The following IQCJ variants were observed in gnomAD, a reference collection of about 807,000 sequenced individuals.
IQCJ encodes IQ domain-containing protein J.
Under a neutral mutation model 11.0 loss-of-function variants are expected in IQCJ, and 9 were observed. That is an observed-to-expected ratio of 0.82 (90% CI 0.49 to 1.43). The LOEUF (loss-of-function observed/expected upper bound fraction) is 1.43. Among genes scored for constraint, IQCJ ranks in the 40% most tolerant of loss-of-function variants. The probability of loss-of-function intolerance (pLI) is 0.00; values close to 1 mark genes in which losing one functional copy is unlikely to be tolerated. For missense variants in IQCJ, 146 were observed against 133.2 expected, an observed-to-expected ratio of 1.10 and a Z score of -0.47; for synonymous variants, 55 against 51.3, an observed-to-expected ratio of 1.07 and a Z score of -0.31.
intron 1 of IQCJ, among the ~76,000 whole-genome samples, chr3:159,118,622 C>A (rs1232448651): frequency 6.6e-6 from 1 of 152,168 alleles, no homozygotes; most frequent in Non-Finnish European, 1.5e-5. Context: ...TGAATTCAAC[C>A]AGTTGGCTTC....
intron 2 of IQCJ, among the ~76,000 whole-genome samples, chr3:159,251,627 C>T (rs1282729616): frequency 1.3e-5 from 2 of 152,010 alleles, no homozygotes; most frequent in African/African-American, 4.8e-5. Context: ...ATTGCACACA[C>T]ACACACACAC....
At chr3:159,129,042 C>T (rs1475044112) in intron 1 of IQCJ, among the ~76,000 whole-genome samples, 1 of 151,140 alleles carries the variant, frequency 6.6e-6, no homozygotes, top group Non-Finnish European at 1.5e-5. Context: ...ACACGTTCAA[C>T]AACAACAATA....
At chr3:159,191,097 C>T (rs1018424782) in intron 1 of IQCJ, among the ~76,000 whole-genome samples, 1 of 152,152 alleles carries the variant, frequency 6.6e-6, no homozygotes, top group South Asian at 2.1e-4. Flanking sequence ...GTGGGGAAAA[C>T]GCAACTCCTC....
rs187813039 is a variant in IQCJ, at chr3:159,111,315, C to T, written c.9+41874C>T. Among the ~76,000 whole-genome samples the T allele has an allele frequency of 3.1e-3, 475 of 152,128 alleles. 3 individuals are homozygous for T. The highest frequency in any genetic ancestry group is 0.011 in the African/African-American group (457 of 41,482). ...AACTATCCAGTAAAAACTCTTTTGT[C>T]TTGAGTCATATCATATTGAACATAC... On this transcript the variant is annotated intron_variant, in intron 1 of 3. Coordinates refer to ENST00000397832, the MANE Select transcript of IQCJ (RefSeq NM_001042706.3).
At position 159,119,560 on chromosome 3, in the gene IQCJ, A is replaced by G. The variant is rs1273507223; in HGVS notation, c.9+50119A>G. On this transcript the variant is annotated intron_variant, in intron 1 of 3. Coordinates refer to ENST00000397832, the MANE Select transcript of IQCJ (RefSeq NM_001042706.3). ...TTTACTAGTAAAACATCAGAAAAAA[A>G]CATTCCATGAAGTAGTAAAGTTGTA... Among the ~76,000 whole-genome samples the G allele has an allele frequency of 1.3e-5, 2 of 152,230 alleles. 1 individual carries two copies. Among genetic ancestry groups the G allele is most frequent in the Admixed American group, 1.3e-4 (2 of 15,278 alleles).
At chr3:159,113,841 A>G (rs879051532) in intron 1 of IQCJ, among the ~76,000 whole-genome samples, 1 of 151,756 alleles carries the variant, frequency 6.6e-6, no homozygotes, top group Admixed American at 6.6e-5. Flanking sequence ...GAATGATATC[A>G]TAATAAGAGG....
chr3:159,081,372 G>C (rs767381603), intron 1 of IQCJ, among the ~76,000 whole-genome samples: 2 of 152,092 alleles, frequency 1.3e-5, no homozygotes, highest in Non-Finnish European at 2.9e-5. Context: ...CTTAGGCCAA[G>C]ATTCACCTGA....
At chr3:159,239,581 TA>T (rs1726789347) in intron 1 of IQCJ, among the ~76,000 whole-genome samples, 1 of 152,194 alleles carries the variant, frequency 6.6e-6, no homozygotes, top group African/African-American at 2.4e-5. Flanking sequence ...AATTACAACC[TA>T]AAAATTAACC....
chr3:159,160,839 G>A (rs1028476968), intron 1 of IQCJ, among the ~76,000 whole-genome samples: 46 of 152,010 alleles, frequency 3.0e-4, no homozygotes, highest in African/African-American at 5.1e-4. Context: ...AATTTCATCC[G>A]TGTCCCTACA....
At chr3:159,126,996 A>G (rs929463159) in intron 1 of IQCJ, among the ~76,000 whole-genome samples, 1 of 152,228 alleles carries the variant, frequency 6.6e-6, no homozygotes, top group Non-Finnish European at 1.5e-5. Flanking sequence ...TTGCTTGGCC[A>G]TTAGCCACAG....
At chr3:159,069,628 T>A in intron 1 of IQCJ, 187 bp downstream of exon 1, 2 of 733,988 alleles carry the variant, frequency 2.7e-6, no homozygotes, top group South Asian at 2.0e-5. Context: ...TGTAGGCATG[T>A]GTGCATAAAT....
At chr3:159,158,809 C>T (rs1721677149) in intron 1 of IQCJ, among the ~76,000 whole-genome samples, 1 of 152,222 alleles carries the variant, frequency 6.6e-6, no homozygotes, top group African/African-American at 2.4e-5. Flanking sequence ...TTACATTCAT[C>T]ATCATGTCAA....
At chr3:159,086,713 C>G (rs984675268) in intron 1 of IQCJ, among the ~76,000 whole-genome samples, 2 of 151,940 alleles carry the variant, frequency 1.3e-5, no homozygotes, top group Admixed American at 1.3e-4. Flanking sequence ...ATTTGGCTGT[C>G]TGTTTGTCTG....
At chr3:159,191,691 A>G (rs1723699720) in intron 1 of IQCJ, among the ~76,000 whole-genome samples, 1 of 152,232 alleles carries the variant, frequency 6.6e-6, no homozygotes, top group South Asian at 2.1e-4. Flanking sequence ...GCTACAAAGT[A>G]CTTTACAAAG....
chr3:159,250,651 C>T (rs1352365503), intron 2 of IQCJ, among the ~76,000 whole-genome samples: 1 of 152,180 alleles, frequency 6.6e-6, no homozygotes, highest in Non-Finnish European at 1.5e-5. Flanking sequence ...CCTTATAAAA[C>T]CATCAGATCT....
At chr3:159,084,967 G>T (rs1262886031) in intron 1 of IQCJ, among the ~76,000 whole-genome samples, 1 of 151,430 alleles carries the variant, frequency 6.6e-6, no homozygotes, top group Admixed American at 6.6e-5. Flanking sequence ...TGTACAATGT[G>T]CAGGTTAGTT....
At chr3:159,234,432 G>A (rs1726452410) in intron 1 of IQCJ, among the ~76,000 whole-genome samples, 1 of 152,156 alleles carries the variant, frequency 6.6e-6, no homozygotes, top group African/African-American at 2.4e-5. Context: ...CCTGTGGCTA[G>A]GGAGTTAGGA....
At chr3:159,225,301 G>A (rs149092375) in intron 1 of IQCJ, among the ~76,000 whole-genome samples, 7 of 152,228 alleles carry the variant, frequency 4.6e-5, no homozygotes, top group African/African-American at 1.7e-4. Context: ...GTTACATGAT[G>A]TATAAATTCA....
intron 1 of IQCJ, among the ~76,000 whole-genome samples, chr3:159,201,287 A>G (rs1400047679): frequency 1.3e-5 from 2 of 152,248 alleles, no homozygotes; most frequent in Non-Finnish European, 2.9e-5. Context: ...GTAGTGCTAC[A>G]TACAACAGAT....
Sources: gnomAD v4.1 joint callset for allele counts (sites outside exome capture counted in the v4.1 genomes callset) on GRCh38, gnomAD v4.1.1 for gene constraint, MANE v1.5 for transcripts, NCBI Gene and HGNC (gene_info 2026-07-23, HGNC 2026-07-21) for gene names.